Variants in SMYD3 observed in about 807,000 individuals in gnomAD.
SMYD3 encodes the protein SET and MYND domain containing 3.
In SMYD3, 36 loss-of-function variants were observed where a neutral mutation model predicts 57.7. That is an observed-to-expected ratio of 0.62 (90% CI 0.48 to 0.82). SMYD3 has a LOEUF of 0.82. Ranked by LOEUF, SMYD3 falls within the 40% of genes least tolerant of loss-of-function variation. SMYD3 has a pLI of 0.00. For missense variants in SMYD3, 515 were observed against 538.8 expected, an observed-to-expected ratio of 0.96 and a Z score of 0.44; for synonymous variants, 211 against 195.0, an observed-to-expected ratio of 1.08 and a Z score of -0.68.
chr1:245,870,134 G>A (rs2052100369), intron 8 of SMYD3, among the ~76,000 whole-genome samples: 1 of 152,160 alleles, frequency 6.6e-6, no homozygotes, highest in Non-Finnish European at 1.5e-5. Context: ...CACAACCCAT[G>A]GGCGACAGTA....
chr1:245,787,488 C>T (rs2047094386), intron 10 of SMYD3, among the ~76,000 whole-genome samples: 1 of 152,154 alleles, frequency 6.6e-6, no homozygotes, highest in African/African-American at 2.4e-5. Flanking sequence ...TTCACTTGGG[C>T]TGAAGGACTC....
At chr1:246,006,753 C>A (rs1377319712) in intron 5 of SMYD3, among the ~76,000 whole-genome samples, 1 of 151,994 alleles carries the variant, frequency 6.6e-6, no homozygotes, top group Non-Finnish European at 1.5e-5. Context: ...TGAGCTGTCT[C>A]GGAAGGAGCC....
chr1:246,153,062 G>GT (rs1328336443), intron 5 of SMYD3, among the ~76,000 whole-genome samples: 1 of 152,122 alleles, frequency 6.6e-6, no homozygotes, highest in Non-Finnish European at 1.5e-5. Context: ...GCCCAGAACC[G>GT]TATCACATGG....
chr1:245,781,934 A>G (rs998639676), intron 10 of SMYD3, among the ~76,000 whole-genome samples: 5 of 152,094 alleles, frequency 3.3e-5, no homozygotes, highest in African/African-American at 1.2e-4. Flanking sequence ...GTGCCACTGC[A>G]CTCTGGCCTG....
At chr1:246,193,891 C>G (rs1057120543) in intron 5 of SMYD3, among the ~76,000 whole-genome samples, 1 of 152,180 alleles carries the variant, frequency 6.6e-6, no homozygotes, top group African/African-American at 2.4e-5. Context: ...TTCAAGCTTT[C>G]CCTTTTATTC....
chr1:246,023,845 T>TGTGTGTGTGTG (rs2059523082), intron 5 of SMYD3, among the ~76,000 whole-genome samples: 1 of 67,450 alleles, frequency 1.5e-5, no homozygotes, highest in African/African-American at 9.4e-5. Context: ...GTGTGTGTGT[T>TGTGTGTGTGTG]ACTGAAAAAT....
intron 5 of SMYD3, among the ~76,000 whole-genome samples, chr1:246,229,701 C>T (rs1348080201): frequency 6.6e-6 from 1 of 152,108 alleles, no homozygotes; most frequent in East Asian, 1.9e-4. Flanking sequence ...AAGAGGGGGC[C>T]GAATTCACCT....
intron 2 of SMYD3, among the ~76,000 whole-genome samples, chr1:246,347,395 C>A (rs138514393): frequency 1.3e-5 from 2 of 152,088 alleles, no homozygotes; most frequent in Non-Finnish European, 2.9e-5. Flanking sequence ...TTTCAAACTA[C>A]AGAAAATCAA....
intron 8 of SMYD3, among the ~76,000 whole-genome samples, chr1:245,902,326 T>C (rs1322082200): frequency 6.6e-6 from 1 of 152,118 alleles, no homozygotes; most frequent in African/African-American, 2.4e-5. Context: ...CACTGCCACC[T>C]ACAGCGATGC....
intron 10 of SMYD3, among the ~76,000 whole-genome samples, chr1:245,815,531 G>A (rs1008216269): frequency 4.6e-5 from 7 of 152,246 alleles, no homozygotes; most frequent in Non-Finnish European, 1.0e-4. Flanking sequence ...GCCCCCAAGT[G>A]ACTCTGATGC....
At chr1:245,966,881 TC>T (rs1340823447) in intron 5 of SMYD3, among the ~76,000 whole-genome samples, 1 of 152,122 alleles carries the variant, frequency 6.6e-6, no homozygotes, top group African/African-American at 2.4e-5. Flanking sequence ...TATGAACCTA[TC>T]CCCCCTCAGG....
In SMYD3 at chr1:246,106,175, G is replaced by T. The variant is rs191237195; in HGVS notation, c.532-176238C>A. On this transcript the variant is annotated intron_variant, in intron 5 of 11. Transcript: ENST00000490107. ...CCGGAAAATTAATAAACCTCGGATG[G>T]GTTTAAGCACTCAAAATACTCCTGA... Among the ~76,000 whole-genome samples, 264 of 152,230 alleles carry T rather than the reference G, an allele frequency of 1.7e-3. 1 individual carries two copies. Among genetic ancestry groups the T allele is most frequent in the Non-Finnish European group, 2.5e-3 (171 of 68,030 alleles).
Position 246,459,034 on chromosome 1 carries a change from T to C in SMYD3, c.164+48020A>G, listed in dbSNP as rs557901197. Among the ~76,000 whole-genome samples the C allele has an allele frequency of 7.9e-5, 12 of 152,052 alleles. No individual in the cohort carries two copies. In the East Asian group the frequency reaches 2.3e-3, roughly 29 times the overall value. Reference sequence around the variant, plus strand: ...ATCTCATATCCAATTGTAATCCCCGTGTGTTGAAGGAGGGGCCTGATGGGG... The same window carrying C: ...ATCTCATATCCAATTGTAATCCCCGCGTGTTGAAGGAGGGGCCTGATGGGG... On this transcript the variant is annotated intron_variant, in intron 1 of 11. Coordinates refer to ENST00000490107, the MANE Select transcript of SMYD3 (RefSeq NM_001167740.2).
intron 1 of SMYD3, among the ~76,000 whole-genome samples, chr1:246,379,152 C>T (rs2066346741): frequency 1.3e-5 from 2 of 148,892 alleles, no homozygotes; most frequent in East Asian, 3.9e-4. Context: ...AGAACCCTAA[C>T]TAATACAACC....
intron 2 of SMYD3, among the ~76,000 whole-genome samples, chr1:246,351,173 AG>A (rs1185808676): frequency 6.6e-6 from 1 of 152,236 alleles, no homozygotes; most frequent in African/African-American, 2.4e-5. Context: ...ATTTTTAAAG[AG>A]GTCTATAATT....
chr1:245,822,638 C>T (rs1299731304), intron 10 of SMYD3, among the ~76,000 whole-genome samples: 3 of 152,014 alleles, frequency 2.0e-5, no homozygotes, highest in African/African-American at 4.8e-5. Context: ...CTGACACCAT[C>T]TTATGGTATC....
intron 5 of SMYD3, among the ~76,000 whole-genome samples, chr1:246,108,922 C>A (rs909359707): frequency 6.6e-6 from 1 of 152,208 alleles, no homozygotes; most frequent in Non-Finnish European, 1.5e-5. Flanking sequence ...GCAGCCAATT[C>A]TTTCTCTTCC....
chr1:246,343,788 T>A (rs1467232998), intron 2 of SMYD3, among the ~76,000 whole-genome samples: 1 of 152,176 alleles, frequency 6.6e-6, no homozygotes, highest in Non-Finnish European at 1.5e-5. Context: ...GCCCTGACTC[T>A]TACCCTTCTA....
chr1:246,441,880 G>A (rs1013113752), intron 1 of SMYD3, among the ~76,000 whole-genome samples: 1 of 152,232 alleles, frequency 6.6e-6, no homozygotes, highest in African/African-American at 2.4e-5. Flanking sequence ...CCAGGGTGCT[G>A]GGACTACAGG....
Sources: allele counts gnomAD v4.1 joint callset (sites outside exome capture counted in the v4.1 genomes callset), GRCh38; gene constraint gnomAD v4.1.1; transcripts MANE v1.5; gene names NCBI Gene and HGNC (gene_info 2026-07-23, HGNC 2026-07-21).